Variants in DOCK8 observed in about 807,000 individuals in gnomAD.
DOCK8 encodes the protein dedicator of cytokinesis protein 8.
In DOCK8, 141 loss-of-function variants were observed where a neutral mutation model predicts 245.6. The observed-to-expected ratio is 0.57, with a 90% CI of 0.50 to 0.66. DOCK8 has a LOEUF of 0.66. Ranked by LOEUF, DOCK8 falls within the 30% of genes least tolerant of loss-of-function variation. The pLI, the probability that DOCK8 is intolerant of heterozygous loss-of-function variation, is 0.00. For missense variants in DOCK8, 2,965 were observed against 2,603.4 expected (o/e 1.14, Z -3.02); for synonymous variants, 1,168 against 970.2 (o/e 1.20, Z -3.79).
chr9:239,963 A>G (rs986605133), intron 1 of DOCK8, among the ~76,000 whole-genome samples: 1 of 152,190 alleles, frequency 6.6e-6, no homozygotes, highest in African/African-American at 2.4e-5. Context: ...CCAGTTATTC[A>G]CATTAGAAAC....
chr9:433,003 G>A (rs892624034), intron 37 of DOCK8, among the ~76,000 whole-genome samples: 2 of 152,206 alleles, frequency 1.3e-5, no homozygotes, highest in Non-Finnish European at 2.9e-5. Context: ...GAGAATGAAT[G>A]AATGAATGTT....
intron 1 of DOCK8, among the ~76,000 whole-genome samples, chr9:238,229 T>A (rs1257497915): frequency 6.6e-6 from 1 of 152,220 alleles, no homozygotes; most frequent in African/African-American, 2.4e-5. Flanking sequence ...GATACAAGTT[T>A]GATTCCATCC....
chr9:432,607 G>A (rs1325351711), intron 37 of DOCK8, among the ~76,000 whole-genome samples: 1 of 152,076 alleles, frequency 6.6e-6, no homozygotes, highest in African/African-American at 2.4e-5. Flanking sequence ...CAAACTGTGT[G>A]GTAAGGAGCT....
intron 5 of DOCK8, among the ~76,000 whole-genome samples, chr9:310,949 A>C (rs1393221420): frequency 6.6e-6 from 1 of 152,120 alleles, no homozygotes; most frequent in Non-Finnish European, 1.5e-5. Flanking sequence ...GCATGAGAGG[A>C]TGTCACTTGT....
At chr9:292,814 G>A (rs775758761) in intron 4 of DOCK8, among the ~76,000 whole-genome samples, 4 of 152,048 alleles carry the variant, frequency 2.6e-5, no homozygotes, top group Non-Finnish European at 4.4e-5. Flanking sequence ...TTGGCATCAT[G>A]CTTAAAATTT....
intron 29 of DOCK8, among the ~76,000 whole-genome samples, chr9:415,397 A>G (rs2055947970): frequency 6.6e-6 from 1 of 152,216 alleles, no homozygotes; most frequent in South Asian, 2.1e-4. Flanking sequence ...AAAAAAAATC[A>G]TGGCATATGT....
At chr9:340,933 G>A (rs977633989) in intron 14 of DOCK8, among the ~76,000 whole-genome samples, 7 of 152,178 alleles carry the variant, frequency 4.6e-5, no homozygotes, top group Non-Finnish European at 4.4e-5. Flanking sequence ...TCTGTGCAGA[G>A]GGACATATTA....
Position 465,002 on chromosome 9 carries a change from C to T in DOCK8, c.*783C>T, listed in dbSNP as rs1203935962. On this transcript the variant is annotated 3_prime_UTR_variant, in exon 48 of 48. Coordinates refer to ENST00000432829, the MANE Select transcript of DOCK8 (RefSeq NM_203447.4). ...TTTTTTCTTATGTCACTCTTGTGTA[C>T]TATCTATTTTTCTCCTCTCTGGGAC... 1 of 152,504 alleles carries T rather than the reference C, an allele frequency of 6.6e-6. No homozygotes were observed. Among genetic ancestry groups the T allele is most frequent in the Non-Finnish European group, 1.5e-5 (1 of 68,116 alleles). 9.4% of individuals were successfully genotyped at this position (152,504 alleles called of 1,614,324 possible).
At chr9:454,261 A>G (rs2057559025) in intron 46 of DOCK8, 1 of 152,206 alleles carries the variant, frequency 6.6e-6, no homozygotes, top group African/African-American at 2.4e-5. Flanking sequence ...CATGGTTTGA[A>G]AGTATTACTT....
chr9:454,708 T>C (rs1281340802), intron 46 of DOCK8: 1 of 152,266 alleles, frequency 6.6e-6, no homozygotes, highest in African/African-American at 2.4e-5. Flanking sequence ...GTGATTTTCA[T>C]TTACTTCAGT....
intron 4 of DOCK8, among the ~76,000 whole-genome samples, chr9:293,508 C>G (rs941793330): frequency 1.3e-5 from 2 of 152,232 alleles, no homozygotes; most frequent in African/African-American, 4.8e-5. Context: ...AGCTGTGATG[C>G]TTTCATAGAT....
intron 9 of DOCK8, among the ~76,000 whole-genome samples, chr9:330,956 T>C (rs1469731198): frequency 6.6e-6 from 1 of 152,246 alleles, no homozygotes; most frequent in Non-Finnish European, 1.5e-5. Flanking sequence ...CTGCTTCCTG[T>C]ATGTTCCATG....
chr9:391,802 C>T (rs1244190964), intron 24 of DOCK8, among the ~76,000 whole-genome samples: 1 of 149,420 alleles, frequency 6.7e-6, no homozygotes. Context: ...GGTTCTTTCC[C>T]CTGTCCCATT....
At chr9:394,138 T>A (rs552655460) in intron 24 of DOCK8, among the ~76,000 whole-genome samples, 5 of 152,232 alleles carry the variant, frequency 3.3e-5, no homozygotes, top group African/African-American at 1.2e-4. Flanking sequence ...TCCCACGTAA[T>A]GATCCCCTTG....
At chr9:235,845 A>T (rs1209086899) in intron 1 of DOCK8, among the ~76,000 whole-genome samples, 1 of 152,108 alleles carries the variant, frequency 6.6e-6, no homozygotes, top group Admixed American at 6.5e-5. Flanking sequence ...GACCCCTTGC[A>T]CTTCCCGGGT....
intron 28 of DOCK8, among the ~76,000 whole-genome samples, chr9:407,702 G>A (rs903018428): frequency 9.2e-5 from 14 of 152,236 alleles, no homozygotes; most frequent in African/African-American, 2.9e-4. Context: ...GAAACCCACA[G>A]CCTATCTGAT....
intron 39 of DOCK8, among the ~76,000 whole-genome samples, chr9:438,554 C>G (rs1311789580): frequency 6.6e-6 from 1 of 152,198 alleles, no homozygotes; most frequent in African/African-American, 2.4e-5. Flanking sequence ...GGTACAAGAT[C>G]AGTACTTCCA....
At chr9:239,649 G>A (rs2047336224) in intron 1 of DOCK8, among the ~76,000 whole-genome samples, 1 of 152,092 alleles carries the variant, frequency 6.6e-6, no homozygotes, top group Non-Finnish European at 1.5e-5. Context: ...ATAAATTATA[G>A]AAAAGTCAGA....
Position 244,985 on chromosome 9 carries a change from C to T in DOCK8, c.54-26642C>T, listed in dbSNP as rs577143800. Among the ~76,000 whole-genome samples, 7 of 152,074 alleles carry T rather than the reference C, an allele frequency of 4.6e-5. No individual in the cohort carries two copies. In the South Asian group the frequency reaches 1.0e-3, roughly 23 times the overall value. ...GGGCAGACCACTGGGAAAAACAAGA[C>T]CCTTGGGTTTTCTGACCACTGGCCA... On this transcript the variant is annotated intron_variant, in intron 1 of 47. Coordinates refer to ENST00000432829, the MANE Select transcript of DOCK8 (RefSeq NM_203447.4).
Sources: gnomAD v4.1 joint callset for allele counts (sites outside exome capture counted in the v4.1 genomes callset) on GRCh38, gnomAD v4.1.1 for gene constraint, MANE v1.5 for transcripts, NCBI Gene and HGNC (gene_info 2026-07-23, HGNC 2026-07-21) for gene names.